NHEJ1: variants seen among roughly 807,000 people sequenced by gnomAD.
The protein encoded by NHEJ1 is non-homologous end-joining factor 1.
A neutral mutation model predicts 39.4 loss-of-function variants in NHEJ1; 22 were observed. The observed-to-expected ratio is 0.56, with a 90% CI of 0.40 to 0.80. NHEJ1 has a LOEUF of 0.80. NHEJ1 is among the 30% of genes least tolerant of loss of function. The pLI is 0.00. For synonymous variants in NHEJ1, 154 were observed against 135.6 expected (o/e 1.14, Z -0.94); for missense variants, 329 against 357.1 (o/e 0.92, Z 0.63).
chr2:219,130,605 C>A (rs1559198092), intron 5 of NHEJ1, among the ~76,000 whole-genome samples: 1 of 152,206 alleles, frequency 6.6e-6, no homozygotes, highest in South Asian at 2.1e-4. Context: ...CAAGCTAGAA[C>A]TTCCACATCT....
intron 1 of NHEJ1, among the ~76,000 whole-genome samples, chr2:219,159,594 T>A (rs1207874487): frequency 1.4e-5 from 2 of 141,056 alleles, no homozygotes; most frequent in East Asian, 4.2e-4. Flanking sequence ...TATGCATATA[T>A]ATATATGCAT....
intron 5 of NHEJ1, among the ~76,000 whole-genome samples, chr2:219,096,744 G>A (rs546962171): frequency 2.2e-4 from 34 of 152,242 alleles, no homozygotes; most frequent in South Asian, 4.2e-4. Flanking sequence ...TGCCCAGGGT[G>A]TTAAACAAAA....
At chr2:219,153,049 C>T (rs1425621271) in intron 3 of NHEJ1, among the ~76,000 whole-genome samples, 3 of 152,024 alleles carry the variant, frequency 2.0e-5, no homozygotes, top group Non-Finnish European at 2.9e-5. Flanking sequence ...GTGATCCGCC[C>T]GCCTCGGCCT....
At chr2:219,150,323 C>T (rs1194447472) in intron 3 of NHEJ1, among the ~76,000 whole-genome samples, 1 of 152,150 alleles carries the variant, frequency 6.6e-6, no homozygotes, top group Non-Finnish European at 1.5e-5. Context: ...GAGGGGAAAG[C>T]CAGAAATAAA....
chr2:219,145,655 C>T (rs958130216), intron 5 of NHEJ1, among the ~76,000 whole-genome samples: 6 of 152,066 alleles, frequency 3.9e-5, no homozygotes, highest in South Asian at 4.1e-4. Flanking sequence ...GGCAATAGGC[C>T]GGGCGCAGTG....
At chr2:219,159,451 C>T (rs750162694) in intron 1 of NHEJ1, 1 of 150,168 alleles carries the variant, frequency 6.7e-6, no homozygotes, top group African/African-American at 2.5e-5. Flanking sequence ...CTTATTAAGT[C>T]TGATTAACAC....
chr2:219,103,710 G>A (rs1949288082), intron 5 of NHEJ1, among the ~76,000 whole-genome samples: 1 of 152,136 alleles, frequency 6.6e-6, no homozygotes, highest in African/African-American at 2.4e-5. Flanking sequence ...ATATCTCATT[G>A]AGCTCTCACA....
intron 5 of NHEJ1, among the ~76,000 whole-genome samples, chr2:219,081,467 C>G (rs1949067124): frequency 6.6e-6 from 1 of 152,148 alleles, no homozygotes; most frequent in East Asian, 1.9e-4. Flanking sequence ...TCAGGTCAGC[C>G]TACCTGTAGA....
chr2:219,097,919 G>A (rs1159990706), intron 5 of NHEJ1, among the ~76,000 whole-genome samples: 3 of 152,190 alleles, frequency 2.0e-5, no homozygotes, highest in African/African-American at 4.8e-5. Flanking sequence ...AGCCTTGGAG[G>A]TAGTGCAGAA....
intron 7 of NHEJ1, 151 bp from the exon 8 acceptor site, chr2:219,076,606 C>T: frequency 1.4e-6 from 1 of 700,220 alleles, no homozygotes; most frequent in Non-Finnish European, 2.3e-6. Flanking sequence ...TACATGGGCA[C>T]AATCAGAGCT....
chr2:219,140,674 T>C (rs1342733197), intron 5 of NHEJ1, among the ~76,000 whole-genome samples: 1 of 152,198 alleles, frequency 6.6e-6, no homozygotes, highest in Non-Finnish European at 1.5e-5. Context: ...AAAGTAAATC[T>C]GGGCATACGA....
intron 5 of NHEJ1, among the ~76,000 whole-genome samples, chr2:219,136,809 G>T (rs1949634552): frequency 6.6e-6 from 1 of 151,882 alleles, no homozygotes; most frequent in Non-Finnish European, 1.5e-5. Context: ...CGCCATGTTG[G>T]CCAGGCTGAT....
At position 219,147,692 on chromosome 2, in the gene NHEJ1, T is replaced by C; in HGVS notation, c.494A>G (p.Gln165Arg). The C allele has an allele frequency of 2.5e-6, 4 of 1,614,232 alleles. No individual in the cohort carries two copies. The highest frequency in any genetic ancestry group is 3.4e-6 in the Non-Finnish European group (4 of 1,180,038). Residue 165 changes from glutamine to arginine, a missense_variant, in exon 4 of 8, where the codon CAA becomes CGA. Physicochemically the swap from Gln to Arg is conservative, Grantham distance 43. Coordinates refer to ENST00000356853, the MANE Select transcript of NHEJ1 (RefSeq NM_024782.3). ...TLLHMKDLEI[Q>R]DYQESGATLI... ...CGTAGCCCCACTCTCCTGGTAGTCT[T>C]GGATCTCTAGGTCTTTCATATGAAG...
intron 3 of NHEJ1, among the ~76,000 whole-genome samples, chr2:219,152,020 G>A (rs560737828): frequency 6.6e-6 from 1 of 152,172 alleles, no homozygotes; most frequent in South Asian, 2.1e-4. Flanking sequence ...CAAATCCACA[G>A]ACACTATAAG....
At chr2:219,103,241 C>T (rs1433124557) in intron 5 of NHEJ1, among the ~76,000 whole-genome samples, 1 of 149,668 alleles carries the variant, frequency 6.7e-6, no homozygotes, top group Non-Finnish European at 1.5e-5. Flanking sequence ...CAAGAGGATA[C>T]TATTTTTATT....
intron 1 of NHEJ1, among the ~76,000 whole-genome samples, chr2:219,158,661 GCTTT>G (rs1949881276): frequency 6.6e-6 from 1 of 151,740 alleles, no homozygotes; most frequent in African/African-American, 2.4e-5. Context: ...TAGTATTTCT[GCTTT>G]CTAATACTAT....
chr2:219,128,262 GA>G (rs1414280057), intron 5 of NHEJ1, among the ~76,000 whole-genome samples: 2 of 152,104 alleles, frequency 1.3e-5, no homozygotes, highest in Non-Finnish European at 2.9e-5. Context: ...GTATTCAGAG[GA>G]CTTATCTCAA....
intron 3 of NHEJ1, among the ~76,000 whole-genome samples, chr2:219,155,198 T>C (rs946813763): frequency 2.6e-5 from 4 of 151,376 alleles, no homozygotes; most frequent in African/African-American, 9.7e-5. Context: ...GCCCAAATGG[T>C]TTGGTCCCAG....
intron 5 of NHEJ1, among the ~76,000 whole-genome samples, chr2:219,103,698 G>A (rs1417595142): frequency 6.6e-6 from 1 of 152,192 alleles, no homozygotes; most frequent in Non-Finnish European, 1.5e-5. Context: ...AAGCACTCAA[G>A]TATATCTCAT....
Sources: gnomAD v4.1 joint callset for allele counts (sites outside exome capture counted in the v4.1 genomes callset) on GRCh38, gnomAD v4.1.1 for gene constraint, MANE v1.5 for transcripts, NCBI Gene and HGNC (gene_info 2026-07-23, HGNC 2026-07-21) for gene names.